Variants in DGKG observed in about 807,000 individuals in gnomAD.
DGKG encodes the protein diacylglycerol kinase gamma, also known as DAG kinase gamma.
Under a neutral mutation model 105.3 loss-of-function variants are expected in DGKG, and 78 were observed. The observed-to-expected ratio is 0.74, with a 90% CI of 0.62 to 0.89. The LOEUF is 0.89. DGKG is among the 40% of genes least tolerant of loss of function. DGKG has a pLI of 0.00. For synonymous variants in DGKG, 346 were observed against 367.1 expected, an observed-to-expected ratio of 0.94 and a Z score of 0.66; for missense variants, 958 against 1,020.1, an observed-to-expected ratio of 0.94 and a Z score of 0.83.
intron 20 of DGKG, among the ~76,000 whole-genome samples, chr3:186,220,689 G>A (rs1719524776): frequency 6.6e-6 from 1 of 152,142 alleles, no homozygotes; most frequent in South Asian, 2.1e-4. Context: ...CAGAGTCCAT[G>A]ATCTGGGCCT....
At chr3:186,360,502 A>G (rs541263732) in intron 1 of DGKG, among the ~76,000 whole-genome samples, 140 of 152,316 alleles carry the variant, frequency 9.2e-4, no homozygotes, top group African/African-American at 3.3e-3. Context: ...AATCTCCAGC[A>G]AATGTAGTCT....
chr3:186,328,614 C>T (rs563315234), intron 1 of DGKG, among the ~76,000 whole-genome samples: 10 of 151,090 alleles, frequency 6.6e-5, no homozygotes, highest in African/African-American at 1.2e-4. Context: ...TTTGCTCTGC[C>T]GCCCAGACTG....
intron 22 of DGKG, among the ~76,000 whole-genome samples, chr3:186,165,643 G>A (rs1396989720): frequency 6.6e-6 from 1 of 152,222 alleles, no homozygotes; most frequent in Admixed American, 6.5e-5. Flanking sequence ...AGTAGAAAAG[G>A]AGGGGCAGGA....
At chr3:186,227,895 T>G (rs970221854) in intron 20 of DGKG, among the ~76,000 whole-genome samples, 1 of 152,212 alleles carries the variant, frequency 6.6e-6, no homozygotes, top group Non-Finnish European at 1.5e-5. Context: ...AATACCCTTA[T>G]GCAAAAGGGC....
At chr3:186,200,908 C>A (rs1410334508) in intron 21 of DGKG, among the ~76,000 whole-genome samples, 5 of 152,108 alleles carry the variant, frequency 3.3e-5, no homozygotes, top group African/African-American at 1.2e-4. Flanking sequence ...CAGGCGGGCA[C>A]AATGGTGCCT....
chr3:186,150,302 G>T, intron 24 of DGKG, 114 bp from the exon 25 acceptor site: 1 of 1,339,616 alleles, frequency 7.5e-7, no homozygotes. Flanking sequence ...GCCCCATGCA[G>T]AAGGACAACT....
At chr3:186,348,996 T>C (rs1036029545) in intron 1 of DGKG, among the ~76,000 whole-genome samples, 17 of 152,222 alleles carry the variant, frequency 1.1e-4, no homozygotes, top group African/African-American at 3.9e-4. Context: ...TTAAAAATTA[T>C]TTAAATTTAA....
intron 5 of DGKG, among the ~76,000 whole-genome samples, chr3:186,294,569 A>G (rs975161632): frequency 1.3e-5 from 2 of 151,774 alleles, no homozygotes; most frequent in Admixed American, 1.3e-4. Flanking sequence ...CTCTAGGTAA[A>G]TAATTTGGGG....
intron 3 of DGKG, among the ~76,000 whole-genome samples, chr3:186,304,842 C>T (rs1724147578): frequency 6.6e-6 from 1 of 152,142 alleles, no homozygotes. Flanking sequence ...AGGTAGAAGT[C>T]TAACTTAAGA....
At chr3:186,201,248 C>T (rs529314050) in intron 21 of DGKG, among the ~76,000 whole-genome samples, 1 of 151,994 alleles carries the variant, frequency 6.6e-6, no homozygotes, top group Non-Finnish European at 1.5e-5. Flanking sequence ...CTGAGGCCAA[C>T]CTGGAGTGGA....
chr3:186,356,565 G>A (rs1423310040), intron 1 of DGKG, among the ~76,000 whole-genome samples: 1 of 152,202 alleles, frequency 6.6e-6, no homozygotes, highest in Non-Finnish European at 1.5e-5. Context: ...AGTTTTAATA[G>A]AAATAGGAAA....
chr3:186,201,937 T>C (rs1314747740), intron 21 of DGKG, among the ~76,000 whole-genome samples: 3 of 152,212 alleles, frequency 2.0e-5, no homozygotes, highest in African/African-American at 7.2e-5. Context: ...AATGGACACA[T>C]GACTTTTCTA....
intron 1 of DGKG, among the ~76,000 whole-genome samples, chr3:186,360,960 CGG>C (rs998345999): frequency 5.9e-5 from 9 of 152,200 alleles, no homozygotes; most frequent in African/African-American, 2.2e-4. Flanking sequence ...CGGCGCAGCG[CGG>C]GAGAGCGCGC....
intron 1 of DGKG, among the ~76,000 whole-genome samples, chr3:186,355,892 G>A (rs1019641169): frequency 6.6e-6 from 1 of 152,232 alleles, no homozygotes; most frequent in East Asian, 1.9e-4. Context: ...GGAATGGGAT[G>A]TGGAATGAGC....
In DGKG at chr3:186,320,611, GC is replaced by G. The variant is rs1725032624; in HGVS notation, c.-153del. 3 of 1,282,994 alleles carry G rather than the reference GC, an allele frequency of 2.3e-6. No individual in the cohort carries two copies. In the East Asian group the frequency reaches 7.7e-5, roughly 33 times the overall value. The allele number at this position is 1,282,994 out of a possible 1,614,324, so 79.5% of individuals were successfully genotyped here. A position where few individuals can be genotyped will look rare whatever the true frequency, so the allele number is the denominator to read the frequency against. ...GAGCACTCAAGTGTATACAGCAGCAGCAGGCACCTCTCAGAAGATGAGACAA... is the reference window on the plus strand; with the variant it reads ...GAGCACTCAAGTGTATACAGCAGCAGAGGCACCTCTCAGAAGATGAGACAA... On this transcript the variant is annotated 5_prime_UTR_variant, in exon 2 of 25. Transcript: ENST00000265022.
At chr3:186,213,680 C>A (rs958932461) in intron 20 of DGKG, among the ~76,000 whole-genome samples, 2 of 152,162 alleles carry the variant, frequency 1.3e-5, no homozygotes, top group Non-Finnish European at 2.9e-5. Context: ...GATTAAAGTG[C>A]TGCTTCCAGG....
chr3:186,349,245 G>C (rs1233591227), intron 1 of DGKG, among the ~76,000 whole-genome samples: 1 of 151,934 alleles, frequency 6.6e-6, no homozygotes, highest in African/African-American at 2.4e-5. Flanking sequence ...GAAAAATTCT[G>C]TATTTATATG....
intron 21 of DGKG, among the ~76,000 whole-genome samples, chr3:186,204,606 T>C (rs948397095): frequency 6.6e-6 from 1 of 152,114 alleles, no homozygotes; most frequent in African/African-American, 2.4e-5. Context: ...GTCCTTTTTT[T>C]TAAATTAAAT....
At chr3:186,275,786 TA>T (rs1214518030) in intron 9 of DGKG, 122 bp from the exon 10 acceptor site, 5 of 646,380 alleles carry the variant, frequency 7.7e-6, no homozygotes, top group African/African-American at 1.9e-5. Context: ...TGATATTTTT[TA>T]CTGTTTTAAA....
Sources: gnomAD v4.1 joint callset for allele counts (sites outside exome capture counted in the v4.1 genomes callset) on GRCh38, gnomAD v4.1.1 for gene constraint, MANE v1.5 for transcripts, NCBI Gene and HGNC (gene_info 2026-07-23, HGNC 2026-07-21) for gene names.